PTPRT: variants seen among roughly 807,000 people sequenced by gnomAD.
The protein encoded by PTPRT is protein tyrosine phosphatase receptor type T.
Under a neutral mutation model 176.8 loss-of-function variants are expected in PTPRT, and 56 were observed. The ratio of observed to expected loss-of-function variants is 0.32; its 90% CI spans 0.26 to 0.40. The LOEUF (loss-of-function observed/expected upper bound fraction) is 0.40, where lower values mean the gene tolerates loss of function less well. PTPRT is among the 10% of genes least tolerant of loss of function. The pLI, the probability that PTPRT is intolerant of heterozygous loss-of-function variation, is 1.00. For synonymous variants in PTPRT, 783 were observed against 739.0 expected, an observed-to-expected ratio of 1.06 and a Z score of -0.96; for missense variants, 1,540 against 1,908.2, an observed-to-expected ratio of 0.81 and a Z score of 3.60.
At chr20:42,340,268 C>A (rs1048270527) in intron 11 of PTPRT, among the ~76,000 whole-genome samples, 1 of 152,138 alleles carries the variant, frequency 6.6e-6, no homozygotes, top group African/African-American at 2.4e-5. Flanking sequence ...GTCTAGCCCT[C>A]GATTCTTGCA....
At chr20:42,976,461 AG>A (rs1437981092) in intron 1 of PTPRT, among the ~76,000 whole-genome samples, 1 of 151,658 alleles carries the variant, frequency 6.6e-6, no homozygotes, top group African/African-American at 2.4e-5. Flanking sequence ...GCTCAAGTGC[AG>A]TGGTGCAATC....
intron 11 of PTPRT, among the ~76,000 whole-genome samples, chr20:42,345,614 GTGTGTA>G (rs771384639): frequency 0.068 from 8,781 of 128,772 alleles, 415 homozygotes; most frequent in South Asian, 0.12. Context: ...GTGTGTGTGT[GTGTGTA>G]TATATATGTA....
Position 42,815,078 on chromosome 20 carries a change from T to C in PTPRT, c.215-23612A>G, listed in dbSNP as rs149163311. Among the ~76,000 whole-genome samples, 23 of 152,304 alleles carry C rather than the reference T, an allele frequency of 1.5e-4. No homozygotes were observed. In the East Asian group the frequency reaches 2.9e-3, roughly 19 times the overall value. On this transcript the variant is annotated intron_variant, in intron 2 of 30. Coordinates refer to ENST00000373187, the MANE Select transcript of PTPRT (RefSeq NM_007050.6). ...CAGTTGTTTCCTCTGAAAGGTATAC[T>C]TTCTCCATCTCACACAAGGAATATT... is the stretch of plus-strand genomic sequence containing the variant.
chr20:42,917,104 T>G (rs1460674602), intron 1 of PTPRT, among the ~76,000 whole-genome samples: 2 of 152,196 alleles, frequency 1.3e-5, no homozygotes, highest in African/African-American at 4.8e-5. Context: ...GGTCTAACAT[T>G]TAAGTCTTTA....
At chr20:42,082,066 C>T (rs374370534) in intron 29 of PTPRT, 49 bp from the exon 30 acceptor site, 23 of 1,611,660 alleles carry the variant, frequency 1.4e-5, no homozygotes, top group Non-Finnish European at 1.9e-5. Flanking sequence ...CCCTTCCAGG[C>T]ACCTGATGAT....
intron 27 of PTPRT, among the ~76,000 whole-genome samples, chr20:42,091,805 G>A (rs981498009): frequency 6.6e-6 from 1 of 152,106 alleles, no homozygotes; most frequent in Non-Finnish European, 1.5e-5. Context: ...GGGAGAGAGA[G>A]GGGGGAGAGA....
intron 2 of PTPRT, among the ~76,000 whole-genome samples, chr20:42,828,936 A>G (rs8118654): frequency 0.13 from 19,795 of 152,072 alleles, 1,361 homozygotes; most frequent in South Asian, 0.22. Context: ...CTGGGGCACT[A>G]CCTAGTGGAG....
chr20:43,036,977 G>A (rs1043754096), intron 1 of PTPRT, among the ~76,000 whole-genome samples: 22 of 152,200 alleles, frequency 1.4e-4, no homozygotes, highest in African/African-American at 5.3e-4. Flanking sequence ...TCATATAATA[G>A]CTGGTTCTTT....
chr20:42,039,261 G>A, the PTPRT span, among the ~76,000 whole-genome samples: 13 of 152,100 alleles, frequency 8.5e-5, no homozygotes, highest in Non-Finnish European at 1.8e-4. Flanking sequence ...AGATCACATA[G>A]TGTTTTGATA....
intron 1 of PTPRT, among the ~76,000 whole-genome samples, chr20:42,947,369 AG>A (rs1201863904): frequency 4.6e-5 from 7 of 152,144 alleles, no homozygotes; most frequent in Non-Finnish European, 8.8e-5. Flanking sequence ...AGCCCCTGGC[AG>A]CAGAGTCACT....
intron 7 of PTPRT, among the ~76,000 whole-genome samples, chr20:42,526,767 G>T (rs2072275568): frequency 6.6e-6 from 1 of 151,852 alleles, no homozygotes; most frequent in Non-Finnish European, 1.5e-5. Context: ...TTTGTAGAAG[G>T]TTTTATTTGA....
chr20:42,962,624 G>C (rs528924891), intron 1 of PTPRT, among the ~76,000 whole-genome samples: 1 of 152,100 alleles, frequency 6.6e-6, no homozygotes, highest in Non-Finnish European at 1.5e-5. Context: ...GGCTGAAAAC[G>C]CTAATGATTA....
At chr20:42,062,586 C>A in the PTPRT span, among the ~76,000 whole-genome samples, 1 of 152,202 alleles carries the variant, frequency 6.6e-6, no homozygotes, top group Admixed American at 6.5e-5. Context: ...CCTCCTGTGG[C>A]CTCTGGGGAT....
At chr20:42,302,515 ACTT>A (rs1445301626) in intron 12 of PTPRT, among the ~76,000 whole-genome samples, 1 of 152,096 alleles carries the variant, frequency 6.6e-6, no homozygotes, top group African/African-American at 2.4e-5. Flanking sequence ...GTCAAATGTC[ACTT>A]CTTCTACAAG....
At chr20:42,676,950 ATC>A (rs970609608) in intron 7 of PTPRT, among the ~76,000 whole-genome samples, 3 of 151,892 alleles carry the variant, frequency 2.0e-5, no homozygotes, top group African/African-American at 7.3e-5. Flanking sequence ...CTTAGACACA[ATC>A]TCAGCCAGCA....
chr20:42,716,301 G>T (rs1178663844), intron 6 of PTPRT, among the ~76,000 whole-genome samples: 1 of 152,142 alleles, frequency 6.6e-6, no homozygotes, highest in Non-Finnish European at 1.5e-5. Context: ...GGTATTTCTA[G>T]TTCTAGATCT....
At chr20:42,619,075 G>T (rs2145849557) in intron 7 of PTPRT, among the ~76,000 whole-genome samples, 1 of 151,186 alleles carries the variant, frequency 6.6e-6, no homozygotes, top group South Asian at 2.1e-4. Context: ...GCAGCGGCTG[G>T]TACCGGTTGC....
intron 7 of PTPRT, among the ~76,000 whole-genome samples, chr20:42,500,360 T>G (rs1251263282): frequency 6.6e-6 from 1 of 151,938 alleles, no homozygotes; most frequent in Non-Finnish European, 1.5e-5. Context: ...ATTTTAATAT[T>G]TTTGAATTAA....
At position 42,835,545 on chromosome 20, in the gene PTPRT, AG is replaced by A. The variant is rs1024748167; in HGVS notation, c.215-44080del. On this transcript the variant is annotated intron_variant, in intron 2 of 30. Transcript: ENST00000373187. ...AAAAGGAGCTGAGTCTGGTTGCCTC[AG>A]GGGGGCAGAGAATGAGAGGGGAAGG... Among the ~76,000 whole-genome samples, 4 of 152,260 alleles carry A rather than the reference AG, an allele frequency of 2.6e-5. No individual in the cohort carries two copies. In the South Asian group the frequency reaches 6.2e-4, roughly 24 times the overall value.
Sources: allele counts gnomAD v4.1 joint callset (sites outside exome capture counted in the v4.1 genomes callset), GRCh38; gene constraint gnomAD v4.1.1; transcripts MANE v1.5; gene names NCBI Gene and HGNC (gene_info 2026-07-23, HGNC 2026-07-21).